VAT1L: variants seen among roughly 807,000 people sequenced by gnomAD.
VAT1L encodes putative NADPH-dependent quinone oxidoreductase VAT1L.
VAT1L carries 34 observed loss-of-function variants against 44.1 expected under a neutral mutation model. That is an observed-to-expected ratio of 0.77 (90% CI 0.59 to 1.03). The LOEUF (loss-of-function observed/expected upper bound fraction) is 1.03. Among genes scored for constraint, VAT1L ranks in the 50% least tolerant of loss-of-function variants. The pLI is 0.00. For missense variants in VAT1L, 615 were observed against 538.8 expected (o/e 1.14, Z -1.40); for synonymous variants, 253 against 202.2 (o/e 1.25, Z -2.13).
chr16:77,931,151 C>T (rs1009145769), intron 7 of VAT1L, among the ~76,000 whole-genome samples: 1 of 152,058 alleles, frequency 6.6e-6, no homozygotes, highest in African/African-American at 2.4e-5. Flanking sequence ...ATTGCCTCCT[C>T]GATAGAATTA....
At chr16:77,945,312 T>G (rs2017947792) in intron 7 of VAT1L, among the ~76,000 whole-genome samples, 1 of 90,144 alleles carries the variant, frequency 1.1e-5, no homozygotes, top group Admixed American at 1.7e-4. Flanking sequence ...AGAAAGAGTG[T>G]GTCTCACTCT....
At position 77,946,082 on chromosome 16, in the gene VAT1L, G is replaced by C. The variant is rs183972008; in HGVS notation, c.1078-25768G>C. 4.8e-4 allele frequency among the ~76,000 whole-genome samples: 73 copies of C among 151,970 alleles called. 1 individual carries two copies. In the East Asian group the frequency reaches 0.013, roughly 28 times the overall value. Reference sequence around the variant, plus strand: ...CCCAAAGTGCTAGGATTACAGGCGTGAGCTACCACACCCGGCCAGGGCTTG... The same window carrying C: ...CCCAAAGTGCTAGGATTACAGGCGTCAGCTACCACACCCGGCCAGGGCTTG... On this transcript the variant is annotated intron_variant, in intron 7 of 8. Coordinates refer to ENST00000302536, the MANE Select transcript of VAT1L (RefSeq NM_020927.3).
intron 7 of VAT1L, chr16:77,892,414 C>T (rs1345729225): frequency 6.7e-6 from 3 of 446,404 alleles, no homozygotes; most frequent in Non-Finnish European, 1.3e-5. Flanking sequence ...GCAGACACTG[C>T]TGCTGCACCA....
At chr16:77,955,681 C>A (rs979399730) in intron 7 of VAT1L, among the ~76,000 whole-genome samples, 2 of 148,126 alleles carry the variant, frequency 1.4e-5, no homozygotes, top group African/African-American at 5.0e-5. Context: ...GCTGAGATCG[C>A]AACACTACAC....
At chr16:77,938,385 T>C (rs1035789029) in intron 7 of VAT1L, among the ~76,000 whole-genome samples, 2 of 152,230 alleles carry the variant, frequency 1.3e-5, no homozygotes, top group Non-Finnish European at 2.9e-5. Flanking sequence ...CTAGAACTTA[T>C]AGTCTACTGT....
chr16:77,857,770 C>T (rs1597069848), intron 3 of VAT1L, among the ~76,000 whole-genome samples: 1 of 106,508 alleles, frequency 9.4e-6, no homozygotes, highest in Admixed American at 9.8e-5. Context: ...ATCTAATACT[C>T]ACATATTATA....
At chr16:77,954,358 G>C (rs1426175533) in intron 7 of VAT1L, among the ~76,000 whole-genome samples, 1 of 152,186 alleles carries the variant, frequency 6.6e-6, no homozygotes, top group African/African-American at 2.4e-5. Context: ...CGGGCGCGGT[G>C]GCTCACGCCT....
At chr16:77,869,362 G>C (rs953082174) in intron 4 of VAT1L, among the ~76,000 whole-genome samples, 8 of 152,222 alleles carry the variant, frequency 5.3e-5, no homozygotes, top group African/African-American at 1.9e-4. Context: ...AGTGGGACTG[G>C]AGCTCCATTG....
chr16:77,866,929 A>T (rs2016980629), intron 4 of VAT1L, among the ~76,000 whole-genome samples: 1 of 152,210 alleles, frequency 6.6e-6, no homozygotes, highest in South Asian at 2.1e-4. Context: ...CCTCAGGTGC[A>T]CTTGAAGGTT....
chr16:77,881,461 T>TA (rs1363278761), intron 6 of VAT1L, among the ~76,000 whole-genome samples: 4 of 152,184 alleles, frequency 2.6e-5, no homozygotes, highest in Admixed American at 2.0e-4. Flanking sequence ...AATCAAGTGC[T>TA]AAAATAGAAA....
chr16:77,939,061 C>T (rs572965501), intron 7 of VAT1L, among the ~76,000 whole-genome samples: 3 of 152,114 alleles, frequency 2.0e-5, no homozygotes, highest in Non-Finnish European at 4.4e-5. Flanking sequence ...CTTCTACCTG[C>T]CTCCTGATTC....
chr16:77,939,085 G>T (rs2017842136), intron 7 of VAT1L, among the ~76,000 whole-genome samples: 1 of 152,128 alleles, frequency 6.6e-6, no homozygotes, highest in South Asian at 2.1e-4. Flanking sequence ...GTGCTCTGTT[G>T]CCCTGTTAGT....
chr16:77,807,723 C>T (rs550728719), intron 1 of VAT1L, among the ~76,000 whole-genome samples: 1 of 152,074 alleles, frequency 6.6e-6, no homozygotes, highest in Non-Finnish European at 1.5e-5. Flanking sequence ...TTACTGTGTA[C>T]GAGGTACTCT....
intron 7 of VAT1L, among the ~76,000 whole-genome samples, chr16:77,941,371 A>C (rs963209606): frequency 1.3e-5 from 2 of 152,154 alleles, no homozygotes; most frequent in Non-Finnish European, 2.9e-5. Context: ...ATGTGCTGTC[A>C]TATGTTGATT....
At chr16:77,811,072 A>G (rs1296089168) in intron 1 of VAT1L, among the ~76,000 whole-genome samples, 3 of 152,224 alleles carry the variant, frequency 2.0e-5, no homozygotes, top group Non-Finnish European at 2.9e-5. Flanking sequence ...ATCTGCATCA[A>G]TAGAGAAGTA....
intron 7 of VAT1L, among the ~76,000 whole-genome samples, chr16:77,953,487 T>A (rs763286389): frequency 2.6e-5 from 4 of 152,210 alleles, no homozygotes; most frequent in Non-Finnish European, 5.9e-5. Context: ...TACAGTTTTA[T>A]TTCTGGACTT....
At chr16:77,815,770 C>A (rs574280345) in intron 1 of VAT1L, among the ~76,000 whole-genome samples, 4 of 151,406 alleles carry the variant, frequency 2.6e-5, no homozygotes, top group Non-Finnish European at 2.9e-5. Context: ...GAGTTTGAGA[C>A]CAGCCTGGCC....
chr16:77,833,698 C>A (rs2016607286), intron 3 of VAT1L, among the ~76,000 whole-genome samples: 1 of 151,866 alleles, frequency 6.6e-6, no homozygotes, highest in East Asian at 1.9e-4. Context: ...TTGCAGTGAG[C>A]CGGGATCACA....
At chr16:77,867,743 C>G (rs1307589522) in intron 4 of VAT1L, among the ~76,000 whole-genome samples, 1 of 151,876 alleles carries the variant, frequency 6.6e-6, no homozygotes, top group Non-Finnish European at 1.5e-5. Context: ...CCTGTAATCC[C>G]AGCTACTCAG....
Sources: allele counts gnomAD v4.1 joint callset (sites outside exome capture counted in the v4.1 genomes callset), GRCh38; gene constraint gnomAD v4.1.1; transcripts MANE v1.5; gene names NCBI Gene and HGNC (gene_info 2026-07-23, HGNC 2026-07-21).